The following ST3GAL6 variants were observed in gnomAD, a reference collection of about 807,000 sequenced individuals.
ST3GAL6 encodes the protein type 2 lactosamine alpha-2,3-sialyltransferase.
A neutral mutation model predicts 40.5 loss-of-function variants in ST3GAL6; 31 were observed. The observed-to-expected ratio is 0.77, with a 90% CI of 0.58 to 1.03. The LOEUF is 1.03. ST3GAL6 is among the 50% of genes least tolerant of loss of function. The pLI is 0.00. For synonymous variants in ST3GAL6, 129 were observed against 136.9 expected (o/e 0.94, Z 0.40); for missense variants, 357 against 393.2 (o/e 0.91, Z 0.78).
At chr3:98,732,988 T>C (rs965494537) in intron 1 of ST3GAL6, 199 of 1,488,732 alleles carry the variant, frequency 1.3e-4, no homozygotes, top group Non-Finnish European at 1.7e-4. Flanking sequence ...CCGGCCGGCT[T>C]CGCTGCGGGT....
chr3:98,783,442 C>T (rs1309737970), intron 5 of ST3GAL6: 6 of 545,488 alleles, frequency 1.1e-5, no homozygotes, highest in East Asian at 1.5e-4. Context: ...GTCCCCTTGC[C>T]GGCAACACTG....
chr3:98,784,504 T>C (rs1416046302), intron 5 of ST3GAL6: 2 of 157,596 alleles, frequency 1.3e-5, no homozygotes, highest in African/African-American at 4.8e-5. Flanking sequence ...GCAAAGAATG[T>C]AGACCTGCAT....
intron 1 of ST3GAL6, among the ~76,000 whole-genome samples, chr3:98,746,551 G>A (rs187372802): frequency 6.9e-4 from 105 of 152,044 alleles, no homozygotes; most frequent in African/African-American, 2.1e-3. Context: ...GAATAATGTC[G>A]TCAGTAAATA....
At chr3:98,780,913 T>G (rs894874969) in intron 5 of ST3GAL6, among the ~76,000 whole-genome samples, 11 of 152,224 alleles carry the variant, frequency 7.2e-5, no homozygotes, top group Admixed American at 2.6e-4. Flanking sequence ...GTTATATAAC[T>G]GACCACGTCT....
chr3:98,762,698 ATTAT>A (rs758345711), upstream of ST3GAL6: 1,125 of 675,172 alleles, frequency 1.7e-3, no homozygotes, highest in Non-Finnish European at 2.0e-3. Context: ...TTATTAAATG[ATTAT>A]TTAACAGTTC....
In ST3GAL6 at chr3:98,791,832, C is replaced by T; in HGVS notation, c.757-9C>T. On this transcript the variant is annotated splice_polypyrimidine_tract_variant and intron_variant, in intron 8 of 9. Coordinates refer to ENST00000483910, the MANE Select transcript of ST3GAL6 (RefSeq NM_001323368.2). ...TGCTTAAAAAAGTTTTTTTCATCCC[C>T]TCCCCCAGAAACCTAAACACCCAAC... 2 of 1,592,292 alleles carry T rather than the reference C, an allele frequency of 1.3e-6. No individual in the cohort carries two copies. Among genetic ancestry groups the T allele is most frequent in the African/African-American group, 1.4e-5 (1 of 74,034 alleles).
intron 1 of ST3GAL6, chr3:98,756,628 G>A (rs1937439806): frequency 9.4e-7 from 1 of 1,062,630 alleles, no homozygotes; most frequent in South Asian, 2.0e-5. Flanking sequence ...CTTCTCTTGT[G>A]GGTGATGTTA....
intron 1 of ST3GAL6, chr3:98,733,497 AC>A: frequency 4.1e-6 from 4 of 987,416 alleles, no homozygotes; most frequent in Non-Finnish European, 4.8e-6. Flanking sequence ...CTGGTCTCTT[AC>A]CGTATAAAGT....
intron 1 of ST3GAL6, chr3:98,733,374 C>T (rs1347066049): frequency 1.9e-6 from 2 of 1,051,222 alleles, no homozygotes; most frequent in East Asian, 7.0e-5. Flanking sequence ...TTTGTCGAAT[C>T]GCCGGCGAGG....
chr3:98,764,583 C>T (rs1052234195), intron 1 of ST3GAL6, among the ~76,000 whole-genome samples: 6 of 152,192 alleles, frequency 3.9e-5, no homozygotes, highest in African/African-American at 1.4e-4. Flanking sequence ...GGCCTGTGCT[C>T]ACTTGTGAAA....
chr3:98,779,690 C>G (rs997710117), intron 5 of ST3GAL6, among the ~76,000 whole-genome samples: 1 of 152,254 alleles, frequency 6.6e-6, no homozygotes, highest in Non-Finnish European at 1.5e-5. Context: ...CTTACTACCA[C>G]TGCTTTAGCA....
At chr3:98,766,293 T>C (rs1305401549) in intron 1 of ST3GAL6, among the ~76,000 whole-genome samples, 1 of 151,996 alleles carries the variant, frequency 6.6e-6, no homozygotes, top group Non-Finnish European at 1.5e-5. Flanking sequence ...GACTTGTAAA[T>C]ACTGACTTCT....
In ST3GAL6 at chr3:98,746,718, T is replaced by C. The variant is rs191906573; in HGVS notation, c.-12+14186T>C. On this transcript the variant is annotated intron_variant, in intron 1 of 9. Transcript: ENST00000265261. ...TTAATTTTTAAAAATTATGCAATATTATTTATTTTATTTTAATTTCCTTAT... is the reference window on the plus strand; with the variant it reads ...TTAATTTTTAAAAATTATGCAATATCATTTATTTTATTTTAATTTCCTTAT... 1.8e-4 allele frequency among the ~76,000 whole-genome samples: 27 copies of C among 152,202 alleles called. No individual in the cohort carries two copies. The East Asian group carries it at 3.7e-3, about 21-fold the overall frequency.
intron 1 of ST3GAL6, among the ~76,000 whole-genome samples, chr3:98,734,910 G>A (rs1022109258): frequency 8.5e-5 from 13 of 152,264 alleles, no homozygotes; most frequent in Non-Finnish European, 1.9e-4. Flanking sequence ...CGTGAGTAAT[G>A]CCATGTTTCC....
rs886668447 is a variant in ST3GAL6, at chr3:98,795,428, G to C, written c.*1667G>C. 2.0e-5 allele frequency: 3 copies of C among 152,230 alleles called. No homozygotes were observed. The highest frequency in any genetic ancestry group is 2.9e-5 in the Non-Finnish European group (2 of 68,050). 9.4% of individuals were successfully genotyped at this position (152,230 alleles called of 1,614,324 possible). ...ACATGAATACCAGCATATGTTTGCAGAGTCCCACAGTTTTGATTCCTCTTA... is the reference window on the plus strand; with the variant it reads ...ACATGAATACCAGCATATGTTTGCACAGTCCCACAGTTTTGATTCCTCTTA... On this transcript the variant is annotated 3_prime_UTR_variant, in exon 10 of 10. Coordinates refer to ENST00000483910, the MANE Select transcript of ST3GAL6 (RefSeq NM_001323368.2).
chr3:98,749,613 A>G (rs1936832464), intron 1 of ST3GAL6, among the ~76,000 whole-genome samples: 2 of 152,262 alleles, frequency 1.3e-5, no homozygotes, highest in Non-Finnish European at 2.9e-5. Flanking sequence ...TTGAAAACAG[A>G]ACTTTCAAAT....
intron 1 of ST3GAL6, among the ~76,000 whole-genome samples, chr3:98,744,968 G>A (rs1936425978): frequency 6.6e-6 from 1 of 151,932 alleles, no homozygotes; most frequent in South Asian, 2.1e-4. Flanking sequence ...CTAGACATGG[G>A]ATGTTCCTTA....
At chr3:98,732,858 G>A (rs1323404884) in intron 1 of ST3GAL6, 2 of 1,510,614 alleles carry the variant, frequency 1.3e-6, no homozygotes, top group South Asian at 2.4e-5. Flanking sequence ...GGGCTTCTGC[G>A]GCCCGATGTG....
chr3:98,787,855 T>C (rs1192900341), intron 6 of ST3GAL6, among the ~76,000 whole-genome samples, 181 bp from the exon 7 acceptor site: 2 of 152,226 alleles, frequency 1.3e-5, no homozygotes, highest in Non-Finnish European at 2.9e-5. Context: ...CAACCAACTA[T>C]TTCATGAAAA....
Sources: allele counts gnomAD v4.1 joint callset (sites outside exome capture counted in the v4.1 genomes callset), GRCh38; gene constraint gnomAD v4.1.1; transcripts MANE v1.5; gene names NCBI Gene and HGNC (gene_info 2026-07-23, HGNC 2026-07-21).